The following DGKA variants were observed in gnomAD, a reference collection of about 807,000 sequenced individuals.
DGKA encodes 80 kDa diacylglycerol kinase.
A neutral mutation model predicts 105.0 loss-of-function variants in DGKA; 35 were observed. The ratio of observed to expected loss-of-function variants is 0.33; its 90% CI spans 0.25 to 0.44. DGKA has a LOEUF of 0.44. Among genes scored for constraint, DGKA ranks in the 20% least tolerant of loss-of-function variants. DGKA has a pLI of 1.00. For missense variants in DGKA, 665 were observed against 915.0 expected (o/e 0.73, Z 3.53); for synonymous variants, 296 against 332.0 (o/e 0.89, Z 1.18).
At position 55,938,603 on chromosome 12, in the gene DGKA, A is replaced by G. The variant is rs908166534; in HGVS notation, c.399+43A>G. ...TATGCTGGGCAAGGGAATATGTGTT[A>G]ATTTGTCTGCACCCTCCTGCCCCAA... On this transcript the variant is annotated intron_variant, in intron 6 of 23. Coordinates refer to ENST00000331886, the MANE Select transcript of DGKA (RefSeq NM_001345.5). 7 of 1,613,496 alleles carry G rather than the reference A, an allele frequency of 4.3e-6. No individual in the cohort carries two copies. In the African/African-American group the frequency reaches 8.0e-5, roughly 18 times the overall value.
At chr12:55,936,223 A>G in intron 1 of DGKA, 200 bp from the exon 2 acceptor site, 1 of 603,380 alleles carries the variant, frequency 1.7e-6, no homozygotes, top group Non-Finnish European at 2.5e-6. Context: ...AGAGAAACAG[A>G]GACAGAGGAC....
upstream of DGKA, chr12:55,930,357 G>GTTTT (rs1156510868): frequency 2.4e-4 from 17 of 71,804 alleles, 1 homozygote; most frequent in East Asian, 2.2e-3. Flanking sequence ...CAAGGGCCTT[G>GTTTT]TTTTTTTTTT....
chr12:55,952,266 C>T lies in DGKA; in HGVS notation c.1653-75C>T. On this transcript the variant is annotated intron_variant, in intron 19 of 23. Coordinates refer to ENST00000331886, the MANE Select transcript of DGKA (RefSeq NM_001345.5). This position sits in a 1 kb window ranked among gnomAD's most constrained non-coding sequence, Gnocchi z 5.1. ...TAAAGTTAGGAGGTTGATGCCCTTC[C>T]CTGTCACGTACCACCCCTGCCAGCA... 1.3e-6 allele frequency: 2 copies of T among 1,536,254 alleles called. No individual in the cohort carries two copies. Among genetic ancestry groups the T allele is most frequent in the Non-Finnish European group, 1.8e-6 (2 of 1,109,458 alleles).
intron 9 of DGKA, 112 bp downstream of exon 9, chr12:55,939,641 G>A: frequency 1.0e-6 from 1 of 977,546 alleles, no homozygotes; most frequent in Non-Finnish European, 1.6e-6. Flanking sequence ...CTCTGCCACT[G>A]ACTAGTTATG....
chr12:55,937,985 G>A lies in DGKA; in HGVS notation c.282G>A (p.Val94=). The change falls in exon 5 of 24, where the codon GTG becomes GTA. Residue 94 remains valine, a synonymous_variant. Transcript: ENST00000331886. ...CTGCTTTTTTGTAACCAGATGTGGT[G>A]TGTCTCAATGATGTTTCCTGCTACT... ...LNETNVTKDV[V]CLNDVSCYFS... The A allele has an allele frequency of 1.9e-6, 3 of 1,614,162 alleles. No individual in the cohort carries two copies. Among genetic ancestry groups the A allele is most frequent in the African/African-American group, 1.3e-5 (1 of 75,036 alleles).
upstream of DGKA, chr12:55,928,062 T>G (rs1883232372): frequency 2.3e-6 from 1 of 442,486 alleles, no homozygotes; most frequent in Non-Finnish European, 4.0e-6. Flanking sequence ...CCCTGCGCCG[T>G]ACCTCCCTAT....
At chr12:55,943,839 T>C (rs1018215797) in intron 17 of DGKA, among the ~76,000 whole-genome samples, 2 of 152,180 alleles carry the variant, frequency 1.3e-5, no homozygotes, top group African/African-American at 4.8e-5. Flanking sequence ...TCTTCATTTA[T>C]AATATTAGAT....
intron 1 of DGKA, 71 bp from the exon 2 acceptor site, chr12:55,936,352 T>A (rs867520033): frequency 2.4e-5 from 34 of 1,423,350 alleles, no homozygotes; most frequent in Middle Eastern, 2.6e-4. Context: ...AGAGACAGAA[T>A]GGAACAGACA....
At chr12:55,935,995 G>GCCGAAGA in intron 1 of DGKA, 4 of 989,782 alleles carry the variant, frequency 4.0e-6, no homozygotes, top group Non-Finnish European at 4.8e-6. Flanking sequence ...TGCCGGAACT[G>GCCGAAGA]CCGAAGACCC....
In DGKA at chr12:55,952,398, A is replaced by G. The variant is rs756234842; in HGVS notation, c.1710A>G (p.Thr570=). ...CCACATCTGAATCCATCTTCTCAACATGCAAAAAGCTGGAGGAGTCTTTGA... is the reference window on the plus strand; with the variant it reads ...CCACATCTGAATCCATCTTCTCAACGTGCAAAAAGCTGGAGGAGTCTTTGA... ...EFATSESIFS[T]CKKLEESLTV... is the part of the protein sequence containing the mutation. The change falls in exon 20 of 24, where the codon ACA becomes ACG. Residue 570 remains threonine, a synonymous_variant. Transcript: ENST00000331886. The surrounding 1 kb of genome is among the most constrained non-coding windows in gnomAD (Gnocchi z 5.1). The G allele has an allele frequency of 1.9e-6, 3 of 1,614,044 alleles. No homozygotes were observed. The highest frequency in any genetic ancestry group is 3.3e-5 in the Admixed American group (2 of 60,002).
chr12:55,932,936 G>A lies in DGKA; in HGVS notation c.-82+1592G>A, dbSNP rs934296295. 8 of 226,336 alleles carry A rather than the reference G, an allele frequency of 3.5e-5. No individual in the cohort carries two copies. In the East Asian group the frequency reaches 7.3e-4, roughly 21 times the overall value. The allele number at this position is 226,336 out of a possible 1,614,324, so 14.0% of individuals were successfully genotyped here. A position where few individuals can be genotyped will look rare whatever the true frequency, so the allele number is the denominator to read the frequency against. ...TAATCAGGCCTGGGCCCTCAAATTC[G>A]GGGCTCCTGCCCCTCTGGGGCAGCC... On this transcript the variant is annotated intron_variant, in intron 1 of 23. Coordinates refer to ENST00000331886, the MANE Select transcript of DGKA (RefSeq NM_001345.5). The surrounding 1 kb of genome is among the most constrained non-coding windows in gnomAD (Gnocchi z 4.3).
chr12:55,939,597 T>A, intron 9 of DGKA, 68 bp downstream of exon 9: 1 of 1,513,476 alleles, frequency 6.6e-7, no homozygotes, highest in Non-Finnish European at 9.2e-7. Flanking sequence ...CTTGATGCTG[T>A]AAACTTAGAA....
rs1024951187 is a variant in DGKA, at chr12:55,939,715, T to C, written c.709+186T>C. 16 of 633,318 alleles carry C rather than the reference T, an allele frequency of 2.5e-5. No homozygotes were observed. The Admixed American group carries it at 2.9e-4, about 12-fold the overall frequency. 39.2% of individuals were successfully genotyped at this position (633,318 alleles called of 1,614,324 possible). On this transcript the variant is annotated intron_variant, in intron 9 of 23. Transcript: ENST00000331886. ...TTTCCTCAACTGAAAATGAGGTAAT[T>C]GTGAGCATTAAAAAAGTTGGTGCAA...
Position 55,940,911 on chromosome 12 carries a change from T to C in DGKA, c.1032T>C (p.Asp344=), listed in dbSNP as rs1471915169. 6.2e-7 allele frequency: 1 copy of C among 1,614,042 alleles called. No individual in the cohort carries two copies. The highest frequency in any genetic ancestry group is 8.5e-7 in the Non-Finnish European group (1 of 1,180,008). ...TCCCCTCCCAGGCCTCTGGACCGGA[T>C]CGTAAAAATAGCAAAACAAGCCAGA... ...IYPSVLASGP[D]RKNSKTSQKT... Residue 344 remains aspartate, a synonymous_variant, in exon 13 of 24, where the codon GAT becomes GAC. Coordinates refer to ENST00000331886, the MANE Select transcript of DGKA (RefSeq NM_001345.5). The surrounding 1 kb of genome is among the most constrained non-coding windows in gnomAD (Gnocchi z 4.3).
chr12:55,941,469 C>T (rs1310933646), intron 14 of DGKA, 41 bp from the exon 15 acceptor site: 22 of 1,607,404 alleles, frequency 1.4e-5, no homozygotes, highest in Non-Finnish European at 1.8e-5. Context: ...TCACCCCCAA[C>T]CCCCGCGCCT....
At chr12:55,937,913 C>G (rs1162473350) in intron 4 of DGKA, 65 bp from the exon 5 acceptor site, 2 of 1,417,916 alleles carry the variant, frequency 1.4e-6, no homozygotes, top group Non-Finnish European at 2.0e-6. Flanking sequence ...GTGGGACAAA[C>G]AAAGGATAAA....
Position 55,932,657 on chromosome 12 carries a change from C to G in DGKA, c.-82+1313C>G. The G allele has an allele frequency of 2.9e-6, 2 of 694,700 alleles. No homozygotes were observed. Among genetic ancestry groups the G allele is most frequent in the East Asian group, 2.7e-5 (1 of 36,942 alleles). The allele number at this position is 694,700 out of a possible 1,614,324, so 43.0% of individuals were successfully genotyped here. ...CCACATCCCCCAACCATGCCAGTAT[C>G]GTAACTTCCTCCTATACTACGCAAT... On this transcript the variant is annotated intron_variant, in intron 1 of 23. Coordinates refer to ENST00000331886, the MANE Select transcript of DGKA (RefSeq NM_001345.5). The surrounding 1 kb of genome is among the most constrained non-coding windows in gnomAD (Gnocchi z 4.3).
At chr12:55,936,949 T>C (rs1280280085) in intron 2 of DGKA, 68 bp from the exon 3 acceptor site, 14 of 1,372,302 alleles carry the variant, frequency 1.0e-5, no homozygotes, top group Non-Finnish European at 1.5e-5. Context: ...TTTTTCCTGC[T>C]GGATTTCTCT....
chr12:55,940,195 C>T lies in DGKA; in HGVS notation c.798+25C>T, dbSNP rs768631386. On this transcript the variant is annotated intron_variant, in intron 10 of 23. Coordinates refer to ENST00000331886, the MANE Select transcript of DGKA (RefSeq NM_001345.5). The surrounding 1 kb of genome is among the most constrained non-coding windows in gnomAD (Gnocchi z 4.3). ...TGTGAGTGATCTCATGCCTCCACCCCCAACATCACCTACATCCTGGCCCTG... is the reference window on the plus strand; with the variant it reads ...TGTGAGTGATCTCATGCCTCCACCCTCAACATCACCTACATCCTGGCCCTG... 1.2e-5 allele frequency: 20 copies of T among 1,613,674 alleles called. No individual in the cohort carries two copies. The highest frequency in any genetic ancestry group is 1.6e-5 in the Non-Finnish European group (19 of 1,179,646).
Sources: gnomAD v4.1 joint callset for allele counts (sites outside exome capture counted in the v4.1 genomes callset) on GRCh38, gnomAD v4.1.1 for gene constraint, Gnocchi (gnomAD v3.1) non-coding constraint, MANE v1.5 for transcripts, NCBI Gene and HGNC (gene_info 2026-07-23, HGNC 2026-07-21) for gene names.